TMEM8B: variants seen among roughly 807,000 people sequenced by gnomAD.
The protein encoded by TMEM8B is transmembrane protein 8B, also known as nasopharyngeal carcinoma expressed 6.
TMEM8B carries 29 observed loss-of-function variants against 49.3 expected under a neutral mutation model. That is an observed-to-expected ratio of 0.59 (90% confidence interval 0.44 to 0.80). The LOEUF is 0.80. TMEM8B is among the 30% of genes least tolerant of loss of function. The pLI, the probability that TMEM8B is intolerant of heterozygous loss-of-function variation, is 0.00. For missense variants in TMEM8B, 575 were observed against 658.5 expected (o/e 0.87, Z 1.39); for synonymous variants, 264 against 272.8 (o/e 0.97, Z 0.32).
Position 35,863,605 on chromosome 9 carries a change from G to A in TMEM8B, c.*9765G>A, listed in dbSNP as rs1832685453. 1 of 152,156 alleles carries A rather than the reference G, an allele frequency of 6.6e-6. No homozygotes were observed. Among genetic ancestry groups the A allele is most frequent in the African/African-American group, 2.4e-5 (1 of 41,426 alleles). 9.4% of individuals were successfully genotyped at this position (152,156 alleles called of 1,614,324 possible). On this transcript the variant is annotated 3_prime_UTR_variant, in exon 13 of 13. Transcript: ENST00000643932. ...ACCTCATCATTTTAGTGGCTAGCAT[G>A]ACGAAGTTTTATTTCTCATGCTACA... is the stretch of plus-strand genomic sequence containing the variant.
chr9:35,852,079 G>T (rs966150992), intron 10 of TMEM8B, among the ~76,000 whole-genome samples: 1 of 152,156 alleles, frequency 6.6e-6, no homozygotes. Context: ...ACAGACAAGG[G>T]AGCTAATGGC....
At position 35,860,541 on chromosome 9, in the gene TMEM8B, G is replaced by A. The variant is rs1208738864; in HGVS notation, c.*6701G>A. On this transcript the variant is annotated 3_prime_UTR_variant, in exon 13 of 13. Transcript: ENST00000643932. ...GTGAGATGAGCTCCGGAAGGCAGGT[G>A]GGTAATGGATGATGCTCACCTAGTG... 1.3e-5 allele frequency: 2 copies of A among 152,208 alleles called. No individual in the cohort carries two copies. The highest frequency in any genetic ancestry group is 2.9e-5 in the Non-Finnish European group (2 of 68,042). 9.4% of individuals were successfully genotyped at this position (152,208 alleles called of 1,614,324 possible). A position where few individuals can be genotyped will look rare whatever the true frequency, so the allele number is the denominator to read the frequency against.
chr9:35,844,739 C>T (rs998839619), intron 6 of TMEM8B, among the ~76,000 whole-genome samples: 1 of 152,184 alleles, frequency 6.6e-6, no homozygotes, highest in Non-Finnish European at 1.5e-5. Context: ...TCCTCAGTAC[C>T]CTGAGAATAG....
rs1198600019 is a variant in TMEM8B, at chr9:35,842,823, C to T, written c.1635+106C>T. 7.2e-6 allele frequency: 9 copies of T among 1,244,232 alleles called. No homozygotes were observed. The highest frequency in any genetic ancestry group is 9.8e-6 in the Non-Finnish European group (9 of 918,894). The allele number at this position is 1,244,232 out of a possible 1,614,324, so 77.1% of individuals were successfully genotyped here. The stretch of plus-strand genomic sequence containing the variant: ...TCCTCCAGGAAGCCTGTCCAGGTTG[C>T]TCCCACCCATCCTGACAATTAGGGA... On this transcript the variant is annotated intron_variant, in intron 6 of 12. Coordinates refer to ENST00000643932, the MANE Select transcript of TMEM8B (RefSeq NM_001042590.4). The surrounding 1 kb of genome is among the most constrained non-coding windows in gnomAD (Gnocchi z 5.6).
In TMEM8B at chr9:35,859,051, A is replaced by T. The variant is rs570975741; in HGVS notation, c.*5211A>T. 1 of 153,062 alleles carries T rather than the reference A, an allele frequency of 6.5e-6. No homozygotes were observed. Among genetic ancestry groups the T allele is most frequent in the Non-Finnish European group, 1.5e-5 (1 of 68,174 alleles). The allele number at this position is 153,062 out of a possible 1,614,324, so 9.5% of individuals were successfully genotyped here. A position where few individuals can be genotyped will look rare whatever the true frequency, so the allele number is the denominator to read the frequency against. ...GGCAGAGGGCAGCAGTAGCAGTGGGATGCTTTCCTGGAGAGCAAACCTCCT... is the reference window on the plus strand; with the variant it reads ...GGCAGAGGGCAGCAGTAGCAGTGGGTTGCTTTCCTGGAGAGCAAACCTCCT... On this transcript the variant is annotated 3_prime_UTR_variant, in exon 13 of 13. Coordinates refer to ENST00000643932, the MANE Select transcript of TMEM8B (RefSeq NM_001042590.4).
In TMEM8B at chr9:35,853,944, C is replaced by T; in HGVS notation, c.*104C>T. The T allele has an allele frequency of 7.1e-7, 1 of 1,411,286 alleles. No homozygotes were observed. Among genetic ancestry groups the T allele is most frequent in the Non-Finnish European group, 9.2e-7 (1 of 1,087,046 alleles). The allele number at this position is 1,411,286 out of a possible 1,614,324, so 87.4% of individuals were successfully genotyped here. A position where few individuals can be genotyped will look rare whatever the true frequency, so the allele number is the denominator to read the frequency against. ...GGAGACAGGCTGTATTTCTTGAGGA[C>T]ATGGAGTCTTTCTCAAGGACACAAA... On this transcript the variant is annotated 3_prime_UTR_variant, in exon 13 of 13. Coordinates refer to ENST00000643932, the MANE Select transcript of TMEM8B (RefSeq NM_001042590.4). The surrounding 1 kb of genome is among the most constrained non-coding windows in gnomAD (Gnocchi z 4.2).
At chr9:35,831,521 T>C (rs549028736) in intron 1 of TMEM8B, among the ~76,000 whole-genome samples, 1 of 152,380 alleles carries the variant, frequency 6.6e-6, no homozygotes, top group South Asian at 2.1e-4. Flanking sequence ...TGTTGATTAC[T>C]GCTGCTGGCA....
intron 10 of TMEM8B, among the ~76,000 whole-genome samples, chr9:35,849,798 A>G (rs766441093): frequency 1.3e-5 from 2 of 152,254 alleles, no homozygotes; most frequent in Non-Finnish European, 2.9e-5. Flanking sequence ...TGAAAATACA[A>G]CTAAGCCAAA....
At chr9:35,846,671 TGG>T (rs1831617398) in intron 9 of TMEM8B, 60 bp downstream of exon 9, 7 of 1,558,162 alleles carry the variant, frequency 4.5e-6, no homozygotes, top group Non-Finnish European at 6.1e-6. Flanking sequence ...GCTGGGCCTG[TGG>T]GCAGGCGGCG....
rs1831513333 is a variant in TMEM8B, at chr9:35,846,088, A to G, written c.1729+20A>G. On this transcript the variant is annotated intron_variant, in intron 7 of 12. Coordinates refer to ENST00000643932, the MANE Select transcript of TMEM8B (RefSeq NM_001042590.4). ...CCAAAGGTGAGGTGAGGAATGGGGG[A>G]GGAGAGGAAGCTGCAGTGTGGGGGT... 6.2e-7 allele frequency: 1 copy of G among 1,602,516 alleles called. No homozygotes were observed. Among genetic ancestry groups the G allele is most frequent in the East Asian group, 2.2e-5 (1 of 44,536 alleles).
Position 35,858,797 on chromosome 9 carries a change from G to C in TMEM8B, c.*4957G>C, listed in dbSNP as rs932735950. The C allele has an allele frequency of 1.3e-5, 2 of 152,222 alleles. No individual in the cohort carries two copies. The highest frequency in any genetic ancestry group is 4.8e-5 in the African/African-American group (2 of 41,430). 9.4% of individuals were successfully genotyped at this position (152,222 alleles called of 1,614,324 possible). A position where few individuals can be genotyped will look rare whatever the true frequency, so the allele number is the denominator to read the frequency against. ...GTAGAAGCTTTAAGAGTCAGTGTAG[G>C]CTTTGTTACTTTCCCTTTTCTTTTT... On this transcript the variant is annotated 3_prime_UTR_variant, in exon 13 of 13. Coordinates refer to ENST00000643932, the MANE Select transcript of TMEM8B (RefSeq NM_001042590.4).
rs1248533781 is a variant in TMEM8B, at chr9:35,863,518, T to G, written c.*9678T>G. On this transcript the variant is annotated 3_prime_UTR_variant, in exon 13 of 13. Coordinates refer to ENST00000643932, the MANE Select transcript of TMEM8B (RefSeq NM_001042590.4). ...CATGGGCACAGGCTGGGACATCAGA[T>G]AGAAGCTGGTTCCCATGGTGGCTGG... The G allele has an allele frequency of 6.6e-6, 1 of 152,218 alleles. No homozygotes were observed. Among genetic ancestry groups the G allele is most frequent in the Non-Finnish European group, 1.5e-5 (1 of 68,052 alleles). 9.4% of individuals were successfully genotyped at this position (152,218 alleles called of 1,614,324 possible).
chr9:35,838,593 A>G (rs1056189188), intron 3 of TMEM8B, among the ~76,000 whole-genome samples: 8 of 152,176 alleles, frequency 5.3e-5, no homozygotes, highest in Admixed American at 1.3e-4. Context: ...ATCTCAGACT[A>G]TATCCCACTG....
At chr9:35,847,225 T>C (rs370996818) in intron 10 of TMEM8B, 67 of 1,392,212 alleles carry the variant, frequency 4.8e-5, no homozygotes, top group Non-Finnish European at 6.7e-5. Flanking sequence ...TAAAGTAAGT[T>C]TGGGCCTCCA....
intron 1 of TMEM8B, among the ~76,000 whole-genome samples, chr9:35,832,753 G>T (rs1376933059): frequency 6.6e-6 from 1 of 152,158 alleles, no homozygotes; most frequent in Non-Finnish European, 1.5e-5. Context: ...CCCAGCAGAA[G>T]GTGCGCTAGA....
At position 35,834,632 on chromosome 9, in the gene TMEM8B, C is replaced by G; in HGVS notation, c.680C>G (p.Pro227Arg). 2.4e-6 allele frequency: 1 copy of G among 415,870 alleles called. No homozygotes were observed. The highest frequency in any genetic ancestry group is 3.6e-5 in the East Asian group (1 of 28,070). 25.8% of individuals were successfully genotyped at this position (415,870 alleles called of 1,614,324 possible). The change falls in exon 2 of 13, where the codon CCA (proline) becomes CGA (arginine). Residue 227 changes from proline to arginine, a missense_variant. Coordinates refer to ENST00000643932, the MANE Select transcript of TMEM8B (RefSeq NM_001042590.4). Reference protein sequence around the residue: ...EQGGTFGDHCPDQSVTVYFRS... With the variant: ...EQGGTFGDHCRDQSVTVYFRS... The stretch of plus-strand genomic sequence containing the variant: ...GGGGGAACTTTTGGGGACCACTGCC[C>G]AGACCAAAGTGTGACTGTGTGAGTG...
intron 10 of TMEM8B, among the ~76,000 whole-genome samples, chr9:35,848,675 CTTTTTTTTT>C (rs34593597): frequency 7.6e-6 from 1 of 132,136 alleles, no homozygotes. Context: ...TGTTTTTTTT[CTTTTTTTTT>C]TTTTTTTTGA....
chr9:35,830,200 G>C (rs1025327552), intron 1 of TMEM8B, among the ~76,000 whole-genome samples: 1 of 152,160 alleles, frequency 6.6e-6, no homozygotes, highest in African/African-American at 2.4e-5. Flanking sequence ...ATTTTTTCTG[G>C]TGTCTGTCCT....
At chr9:35,833,649 G>C (rs1307668865) in intron 1 of TMEM8B, among the ~76,000 whole-genome samples, 2 of 152,160 alleles carry the variant, frequency 1.3e-5, no homozygotes, top group African/African-American at 4.8e-5. Context: ...AATCCACTGG[G>C]TCACTAACTC....
Sources: allele counts gnomAD v4.1 joint callset (sites outside exome capture counted in the v4.1 genomes callset), GRCh38; gene constraint gnomAD v4.1.1; non-coding constraint Gnocchi (gnomAD v3.1); transcripts MANE v1.5; gene names NCBI Gene and HGNC (gene_info 2026-07-23, HGNC 2026-07-21).